The following CCDC3 variants were observed in gnomAD, a reference collection of about 807,000 sequenced individuals.
The protein encoded by CCDC3 is coiled-coil domain-containing protein 3.
In CCDC3, 24 loss-of-function variants were observed where a neutral mutation model predicts 21.4. The ratio of observed to expected loss-of-function variants is 1.12; its 90% CI spans 0.81 to 1.58. The LOEUF is 1.58. CCDC3 is among the 40% of genes most tolerant of loss of function. The pLI is 0.00. For missense variants in CCDC3, 425 were observed against 360.9 expected (o/e 1.18, Z -1.44); for synonymous variants, 186 against 166.0 (o/e 1.12, Z -0.93).
At chr10:13,092,857 T>C (rs1832587870) in intron 3 of CCDC3, among the ~76,000 whole-genome samples, 1 of 152,184 alleles carries the variant, frequency 6.6e-6, no homozygotes, top group African/African-American at 2.4e-5. Flanking sequence ...ATTTAATGAC[T>C]GTCTCCTGGC....
At chr10:12,911,765 T>C (rs1193592270) in intron 2 of CCDC3, among the ~76,000 whole-genome samples, 2 of 152,236 alleles carry the variant, frequency 1.3e-5, no homozygotes, top group East Asian at 3.8e-4. Context: ...CCTGAAGTTA[T>C]TCCTTGTAAC....
chr10:12,902,520 C>A (rs1046146899), intron 2 of CCDC3, among the ~76,000 whole-genome samples: 13 of 152,150 alleles, frequency 8.5e-5, no homozygotes, highest in African/African-American at 3.1e-4. Context: ...AAGAACAAGA[C>A]AAAAAAGTCC....
At chr10:12,994,809 G>A (rs776372363) in intron 2 of CCDC3, among the ~76,000 whole-genome samples, 19 of 151,952 alleles carry the variant, frequency 1.3e-4, no homozygotes, top group Admixed American at 7.2e-4. Flanking sequence ...GGCCAGGCAC[G>A]GTGGCTCACG....
At chr10:12,981,465 C>T (rs1835496105) in intron 2 of CCDC3, among the ~76,000 whole-genome samples, 4 of 151,942 alleles carry the variant, frequency 2.6e-5, no homozygotes, top group African/African-American at 4.8e-5. Flanking sequence ...GGTTTACAGG[C>T]GTGAGCCACC....
chr10:13,081,556 C>G (rs1416625368), intron 3 of CCDC3, among the ~76,000 whole-genome samples: 1 of 152,222 alleles, frequency 6.6e-6, no homozygotes, highest in Non-Finnish European at 1.5e-5. Flanking sequence ...CAAGTTAAAG[C>G]TACGAAAACT....
At chr10:12,980,659 A>C (rs1019260819) in intron 2 of CCDC3, among the ~76,000 whole-genome samples, 2 of 152,122 alleles carry the variant, frequency 1.3e-5, no homozygotes, top group Non-Finnish European at 2.9e-5. Context: ...TTCTGCTTCC[A>C]ACACAGAGGG....
At chr10:12,933,451 TC>T in intron 2 of CCDC3, among the ~76,000 whole-genome samples, 1 of 119,666 alleles carries the variant, frequency 8.4e-6, no homozygotes, top group Admixed American at 1.1e-4. Flanking sequence ...TTGATAATAT[TC>T]CCTTTATTTT....
At chr10:12,931,489 T>A (rs1044607046) in intron 2 of CCDC3, among the ~76,000 whole-genome samples, 1 of 152,202 alleles carries the variant, frequency 6.6e-6, no homozygotes, top group Non-Finnish European at 1.5e-5. Flanking sequence ...GCTGAAGATC[T>A]GAAAGGTGCA....
chr10:12,928,216 T>C (rs888800018), intron 2 of CCDC3, among the ~76,000 whole-genome samples: 9 of 152,206 alleles, frequency 5.9e-5, no homozygotes, highest in African/African-American at 2.2e-4. Context: ...CAGGGAACCA[T>C]TTCCCTCCAA....
intron 5 of CCDC3, among the ~76,000 whole-genome samples, chr10:13,048,384 G>A (rs925912155): frequency 6.6e-5 from 10 of 151,956 alleles, no homozygotes; most frequent in African/African-American, 2.4e-4. Context: ...ACTAGAGACG[G>A]GGTTTCACCA....
chr10:12,939,529 G>C (rs1255533516), intron 2 of CCDC3, among the ~76,000 whole-genome samples: 1 of 152,124 alleles, frequency 6.6e-6, no homozygotes, highest in Non-Finnish European at 1.5e-5. Flanking sequence ...AGGCTGAGGG[G>C]GGATGATCGT....
At chr10:13,081,633 T>G (rs1476256282) in intron 3 of CCDC3, among the ~76,000 whole-genome samples, 1 of 152,190 alleles carries the variant, frequency 6.6e-6, no homozygotes. Flanking sequence ...TAACTAAATC[T>G]AACTCACCTC....
chr10:12,974,695 C>T (rs534778239), intron 2 of CCDC3, among the ~76,000 whole-genome samples: 1 of 152,274 alleles, frequency 6.6e-6, no homozygotes, highest in South Asian at 2.1e-4. Context: ...GCTGTATCCT[C>T]CCCGGCCAAC....
intron 2 of CCDC3, among the ~76,000 whole-genome samples, chr10:12,951,609 T>A (rs1835009100): frequency 1.3e-5 from 2 of 151,880 alleles, no homozygotes; most frequent in African/African-American, 4.8e-5. Context: ...ATGGAGACCA[T>A]CCTGGCTAAC....
intron 2 of CCDC3, among the ~76,000 whole-genome samples, chr10:12,996,926 G>A (rs532878028): frequency 1.6e-4 from 24 of 152,118 alleles, no homozygotes; most frequent in African/African-American, 3.9e-4. Flanking sequence ...GGGGGCCTAC[G>A]TGAGGGTGGG....
chr10:13,002,378 TTTTTG>T (rs113955178), upstream of CCDC3, among the ~76,000 whole-genome samples: 6 of 151,964 alleles, frequency 3.9e-5, no homozygotes, highest in Non-Finnish European at 5.9e-5. Flanking sequence ...GGCAACAGGT[TTTTTG>T]TTTTGTTTTT....
At chr10:13,040,934 C>T (rs1003707276) in intron 5 of CCDC3, among the ~76,000 whole-genome samples, 2 of 152,128 alleles carry the variant, frequency 1.3e-5, no homozygotes, top group African/African-American at 4.8e-5. Context: ...TAGATTTACT[C>T]TTTTAAGACC....
chr10:13,022,431 C>T (rs112098196), intron 5 of CCDC3, among the ~76,000 whole-genome samples: 2,673 of 152,284 alleles, frequency 0.018, 48 homozygotes, highest in Non-Finnish European at 0.022. Context: ...GCCTAAATCA[C>T]ATGCTTCAAC....
At chr10:12,986,257 A>T (rs1050649376) in intron 2 of CCDC3, among the ~76,000 whole-genome samples, 9 of 152,242 alleles carry the variant, frequency 5.9e-5, no homozygotes, top group Non-Finnish European at 1.0e-4. Flanking sequence ...AGTTTTACAC[A>T]TGTACACAAA....
Sources: allele counts gnomAD v4.1 joint callset (sites outside exome capture counted in the v4.1 genomes callset), GRCh38; gene constraint gnomAD v4.1.1; transcripts MANE v1.5; gene names NCBI Gene and HGNC (gene_info 2026-07-23, HGNC 2026-07-21).